Variants in ZNF442 observed in about 807,000 individuals in gnomAD.
ZNF442 encodes the protein zinc finger protein 442.
In ZNF442, 45 loss-of-function variants were observed where a neutral mutation model predicts 57.0. That is an observed-to-expected ratio of 0.79 (90% CI 0.62 to 1.01). ZNF442 has a LOEUF of 1.01. ZNF442 is among the 50% of genes least tolerant of loss of function. The pLI is 0.00. For missense variants in ZNF442, 690 were observed against 756.5 expected (o/e 0.91, Z 1.03); for synonymous variants, 213 against 241.8 (o/e 0.88, Z 1.10).
chr19:12,351,788 C>G (rs1969242696), intron 5 of ZNF442: 3 of 464,658 alleles, frequency 6.5e-6, no homozygotes, highest in Non-Finnish European at 1.1e-5. Flanking sequence ...CAGGCGTGAG[C>G]CACCGTGCCC....
chr19:12,372,420 C>CT, the ZNF442 span, among the ~76,000 whole-genome samples: 1 of 151,766 alleles, frequency 6.6e-6, no homozygotes. Context: ...GATAGCACCA[C>CT]TGCACTCCAG....
upstream of ZNF442, among the ~76,000 whole-genome samples, chr19:12,368,978 C>T (rs754656635): frequency 1.3e-5 from 2 of 152,040 alleles, no homozygotes; most frequent in Non-Finnish European, 2.9e-5. Context: ...GAATTAAATG[C>T]TCCAATCAAA....
At chr19:12,355,195 G>A (rs183263352) in intron 3 of ZNF442, among the ~76,000 whole-genome samples, 2,917 of 148,372 alleles carry the variant, frequency 0.02, 39 homozygotes, top group Non-Finnish European at 0.033. Context: ...GGAGGCTGAG[G>A]CAGGAGAATG....
At chr19:12,372,391 G>A in the ZNF442 span, among the ~76,000 whole-genome samples, 1 of 151,936 alleles carries the variant, frequency 6.6e-6, no homozygotes, top group African/African-American at 2.4e-5. Context: ...CCTAGGAGGT[G>A]GAGGTTGCAG....
At chr19:12,362,199 A>C (rs1054203719) in intron 3 of ZNF442, among the ~76,000 whole-genome samples, 3 of 151,848 alleles carry the variant, frequency 2.0e-5, no homozygotes, top group Non-Finnish European at 4.4e-5. Flanking sequence ...GGATGTGAGG[A>C]GCCCCTCTGC....
At chr19:12,367,272 T>A (rs1969543880), upstream of ZNF442, among the ~76,000 whole-genome samples, 1 of 152,188 alleles carries the variant, frequency 6.6e-6, no homozygotes, top group South Asian at 2.1e-4. Flanking sequence ...GATGCCCACC[T>A]GGGCTGCAAA....
At chr19:12,364,538 G>C (rs916380531) in intron 2 of ZNF442, among the ~76,000 whole-genome samples, 1 of 152,056 alleles carries the variant, frequency 6.6e-6, no homozygotes, top group Non-Finnish European at 1.5e-5. Flanking sequence ...TCATGATGTT[G>C]CTGTGAACTG....
intron 3 of ZNF442, among the ~76,000 whole-genome samples, chr19:12,357,564 G>T (rs1969354579): frequency 6.6e-6 from 1 of 151,270 alleles, no homozygotes; most frequent in Non-Finnish European, 1.5e-5. Flanking sequence ...TGTTGGCCAG[G>T]CTGGTCTCGA....
chr19:12,369,409 G>A (rs1351714570), upstream of ZNF442, among the ~76,000 whole-genome samples: 2 of 152,064 alleles, frequency 1.3e-5, no homozygotes, highest in Admixed American at 6.5e-5. Flanking sequence ...ACCTGAGGTC[G>A]GGAGTTTGAA....
chr19:12,361,791 C>G (rs1350621114), intron 3 of ZNF442, among the ~76,000 whole-genome samples: 1 of 151,666 alleles, frequency 6.6e-6, no homozygotes, highest in African/African-American at 2.4e-5. Context: ...ACTGTAGTGC[C>G]GCCATCTCGG....
chr19:12,357,409 T>C (rs942367951), intron 3 of ZNF442, among the ~76,000 whole-genome samples: 7 of 135,922 alleles, frequency 5.2e-5, no homozygotes, highest in African/African-American at 1.9e-4. Context: ...TGGAGCGCAA[T>C]GGTGCAATCT....
At position 12,349,978 on chromosome 19, in the gene ZNF442, CT is replaced by C. The variant is rs750544558; in HGVS notation, c.1606del (p.Arg536GlyfsTer74). On this transcript the variant is annotated frameshift_variant, in exon 6 of 6. Transcript: ENST00000242804. LOFTEE classifies it high-confidence loss of function. ...SHFGNLKVHE[R>X]IHTGEKPYEC... is the part of the protein sequence containing the mutation. ...ATATGGCTTCTCTCCAGTGTGAATC[CT>C]TTCATGGACTTTTAAGTTACCAAAA... 1.2e-6 allele frequency: 2 copies of C among 1,613,916 alleles called. No homozygotes were observed. Among genetic ancestry groups the C allele is most frequent in the African/African-American group, 2.7e-5 (2 of 74,874 alleles).
At chr19:12,363,296 A>G (rs1269007904) in intron 3 of ZNF442, among the ~76,000 whole-genome samples, 2 of 152,140 alleles carry the variant, frequency 1.3e-5, no homozygotes, top group Non-Finnish European at 2.9e-5. Context: ...TTGAAGCTGA[A>G]AAGAGTGAGT....
At chr19:12,359,767 C>T (rs1423563801) in intron 3 of ZNF442, among the ~76,000 whole-genome samples, 5 of 152,120 alleles carry the variant, frequency 3.3e-5, no homozygotes, top group African/African-American at 4.8e-5. Flanking sequence ...ATCATGAGGT[C>T]AGGATATCGA....
rs756406764 is a variant in ZNF442, at chr19:12,351,062, G to A, written c.523C>T (p.His175Tyr). The A allele has an allele frequency of 2.5e-6, 4 of 1,614,204 alleles. No homozygotes were observed. Among genetic ancestry groups the A allele is most frequent in the Non-Finnish European group, 3.4e-6 (4 of 1,180,032 alleles). ...CAATCATAGCGTTTCTTTCCAGTGT[G>A]AGGTCTTTCCTGTGTTTGAAAGGAG... Reference protein sequence around the residue: ...HHSFQTQERPHTGKKRYDCKE... With the variant: ...HHSFQTQERPYTGKKRYDCKE... Residue 175 changes from histidine (H) to tyrosine (Y), a missense_variant, in exon 6 of 6, where the codon CAC (histidine) becomes TAC (tyrosine). Transcript: ENST00000242804.
chr19:12,351,196 A>T lies in ZNF442; in HGVS notation c.389T>A (p.Leu130His), dbSNP rs372457481. 26 of 1,614,076 alleles carry T rather than the reference A, an allele frequency of 1.6e-5. No individual in the cohort carries two copies. The Middle Eastern group carries it at 4.9e-4, about 31-fold the overall frequency. The part of the protein sequence containing the change: ...VCGEIMGCSF[L>H]NCYITFDAGH... ...AGCATCAAATGTGATATAGCAATTA[A>T]GGAATGAACAACCCATGATTTCTCC... The change falls in exon 6 of 6, where the codon CTT (leucine) becomes CAT (histidine). Residue 130 changes from leucine (L) to histidine (H), a missense_variant. Physicochemically the swap from Leu to His is moderately conservative, Grantham distance 99. Transcript: ENST00000242804.
At position 12,349,794 on chromosome 19, in the gene ZNF442, C is replaced by T. The variant is rs1360548210; in HGVS notation, c.1791G>A (p.Glu597=). The T allele has an allele frequency of 6.2e-7, 1 of 1,614,088 alleles. No homozygotes were observed. Among genetic ancestry groups the T allele is most frequent in the African/African-American group, 1.3e-5 (1 of 74,936 alleles). ...LRGHEKTHTG[E]KMHECKECGK... ...CACATTCCTTACATTCATGCATCTT[C>T]TCTCCAGTGTGAGTTTTTTCATGTC... Residue 597 remains glutamate (E), a synonymous_variant, in exon 6 of 6, where the codon GAG becomes GAA. Coordinates refer to ENST00000242804, the MANE Select transcript of ZNF442 (RefSeq NM_030824.3).
At chr19:12,356,888 T>C (rs1029929510) in intron 3 of ZNF442, among the ~76,000 whole-genome samples, 4 of 152,194 alleles carry the variant, frequency 2.6e-5, no homozygotes, top group African/African-American at 9.7e-5. Context: ...CTATCCATAA[T>C]CTACAATACA....
intron 4 of ZNF442, 117 bp downstream of exon 4, chr19:12,352,871 T>G (rs1969266431): frequency 7.9e-7 from 1 of 1,270,628 alleles, no homozygotes; most frequent in East Asian, 2.5e-5. Context: ...CACTTAACCC[T>G]GTGTTGTTGA....
Sources: gnomAD v4.1 joint callset for allele counts (sites outside exome capture counted in the v4.1 genomes callset) on GRCh38, gnomAD v4.1.1 for gene constraint, MANE v1.5 for transcripts, NCBI Gene and HGNC (gene_info 2026-07-23, HGNC 2026-07-21) for gene names.